ITGB6: variants seen among roughly 807,000 people sequenced by gnomAD.
ITGB6 encodes integrin subunit beta 6.
A neutral mutation model predicts 84.5 loss-of-function variants in ITGB6; 80 were observed. The observed-to-expected ratio is 0.95, with a 90% CI of 0.79 to 1.14. The LOEUF (loss-of-function observed/expected upper bound fraction) is 1.14, where lower values mean the gene tolerates loss of function less well. Among genes scored for constraint, ITGB6 ranks in the 50% most tolerant of loss-of-function variants. ITGB6 has a pLI of 0.00. For missense variants in ITGB6, 1,006 were observed against 968.0 expected (o/e 1.04, Z -0.52); for synonymous variants, 383 against 354.9 (o/e 1.08, Z -0.89).
intron 4 of ITGB6, among the ~76,000 whole-genome samples, chr2:160,194,279 A>T (rs903289999): frequency 1.3e-5 from 2 of 152,200 alleles, no homozygotes; most frequent in African/African-American, 4.8e-5. Context: ...CTTTATGGTT[A>T]AATTATTTTT....
chr2:160,178,120 C>T (rs1463620538), intron 4 of ITGB6, among the ~76,000 whole-genome samples: 1 of 152,188 alleles, frequency 6.6e-6, no homozygotes. Context: ...AGTGATGCAC[C>T]CACCTTGGCA....
chr2:160,129,392 CAAA>C (rs374921878), intron 10 of ITGB6, among the ~76,000 whole-genome samples: 2 of 126,772 alleles, frequency 1.6e-5, no homozygotes, highest in African/African-American at 6.0e-5. Context: ...TACTTTTCTT[CAAA>C]AAAAAAAAAA....
chr2:160,136,381 C>G (rs1474648942), intron 10 of ITGB6, among the ~76,000 whole-genome samples: 2 of 152,012 alleles, frequency 1.3e-5, no homozygotes, highest in Non-Finnish European at 2.9e-5. Flanking sequence ...GAATGGCGAT[C>G]ATTAAAAAGT....
intron 9 of ITGB6, 46 bp downstream of exon 9, chr2:160,138,019 A>T: frequency 6.4e-7 from 1 of 1,569,360 alleles, no homozygotes; most frequent in Non-Finnish European, 8.6e-7. Flanking sequence ...CTAATTTCTG[A>T]CCCATCCAGG....
chr2:160,157,188 C>T (rs1684655608), intron 7 of ITGB6, among the ~76,000 whole-genome samples: 1 of 152,164 alleles, frequency 6.6e-6, no homozygotes, highest in South Asian at 2.1e-4. Context: ...AAGGGTCTGT[C>T]CTACTCCAGT....
intron 7 of ITGB6, among the ~76,000 whole-genome samples, chr2:160,144,466 G>A (rs890513366): frequency 2.0e-5 from 3 of 152,132 alleles, no homozygotes; most frequent in East Asian, 1.9e-4. Context: ...GGTTAACAGC[G>A]AATACCTACA....
At chr2:160,165,442 A>T (rs1298312515) in intron 7 of ITGB6, among the ~76,000 whole-genome samples, 1 of 152,268 alleles carries the variant, frequency 6.6e-6, no homozygotes, top group East Asian at 1.9e-4. Context: ...ATTATAAAAC[A>T]AAACAATAAT....
Position 160,196,296 on chromosome 2 carries a change from G to A in ITGB6, c.266C>T (p.Pro89Leu). The A allele has an allele frequency of 6.2e-7, 1 of 1,613,954 alleles. No individual in the cohort carries two copies. The highest frequency in any genetic ancestry group is 8.5e-7 in the Non-Finnish European group (1 of 1,179,958). Residue 89 changes from proline (P) to leucine (L), a missense_variant, in exon 3 of 15, where the codon CCT becomes CTT. Coordinates refer to ENST00000283249, the MANE Select transcript of ITGB6 (RefSeq NM_000888.5). ...VSQVEILKNKPLSVGRQKNSS... is the reference protein window; with the variant it reads ...VSQVEILKNKLLSVGRQKNSS... ...ATTTTTCTGTCTGCCTACACTGAGA[G>A]GCTTATTTTTAAGTATTTCTACTTG...
chr2:160,154,181 G>C (rs536493073), intron 7 of ITGB6, among the ~76,000 whole-genome samples: 1 of 152,232 alleles, frequency 6.6e-6, no homozygotes, highest in African/African-American at 2.4e-5. Flanking sequence ...TTGGACCCAA[G>C]CCAAATGTCC....
At chr2:160,105,429 A>T (rs1200074201) in intron 14 of ITGB6, among the ~76,000 whole-genome samples, 1 of 152,208 alleles carries the variant, frequency 6.6e-6, no homozygotes, top group Non-Finnish European at 1.5e-5. Context: ...ATGCCTCTGT[A>T]TGAGAACATT....
chr2:160,162,407 A>G (rs1684854820), intron 7 of ITGB6, among the ~76,000 whole-genome samples: 1 of 152,120 alleles, frequency 6.6e-6, no homozygotes. Context: ...CATATTTTTA[A>G]TAGCACAAAA....
At chr2:160,144,640 A>G (rs2105828490) in intron 7 of ITGB6, among the ~76,000 whole-genome samples, 1 of 152,356 alleles carries the variant, frequency 6.6e-6, no homozygotes, top group East Asian at 1.9e-4. Flanking sequence ...CTATCCTTGA[A>G]AAACATCCTG....
chr2:160,152,807 G>C (rs901717576), intron 7 of ITGB6, among the ~76,000 whole-genome samples: 5 of 152,124 alleles, frequency 3.3e-5, no homozygotes, highest in African/African-American at 1.2e-4. Flanking sequence ...ACCATTAACA[G>C]ACAAACAGAG....
Position 160,117,259 on chromosome 2 carries a change from T to G in ITGB6, c.1982-5060A>C, listed in dbSNP as rs147154882. 8.6e-4 allele frequency among the ~76,000 whole-genome samples: 131 copies of G among 152,290 alleles called. 1 individual carries two copies. The East Asian group carries it at 0.022, about 25-fold the overall frequency. On this transcript the variant is annotated intron_variant, in intron 12 of 14. Transcript: ENST00000283249. ...CCTATTCCAAAAGTAACCACATAGTTGGAAGTAAAGCACTCCTCAGCAAAT... is the reference window on the plus strand; with the variant it reads ...CCTATTCCAAAAGTAACCACATAGTGGGAAGTAAAGCACTCCTCAGCAAAT...
intron 12 of ITGB6, among the ~76,000 whole-genome samples, chr2:160,121,777 G>A (rs201102379): frequency 5.9e-4 from 85 of 142,878 alleles, no homozygotes; most frequent in Non-Finnish European, 6.8e-4. Flanking sequence ...CAAAAAAAAA[G>A]AAAAAAAAAA....
At chr2:160,158,971 C>T (rs1363023364) in intron 7 of ITGB6, among the ~76,000 whole-genome samples, 3 of 151,996 alleles carry the variant, frequency 2.0e-5, no homozygotes, top group Admixed American at 1.3e-4. Flanking sequence ...TGGTGGTGTG[C>T]GCCTGTAGTC....
chr2:160,177,712 G>T (rs1054088582), intron 4 of ITGB6, among the ~76,000 whole-genome samples: 1 of 152,010 alleles, frequency 6.6e-6, no homozygotes, highest in African/African-American at 2.4e-5. Flanking sequence ...AATCTAAGAT[G>T]CATTTTTAAA....
intron 10 of ITGB6, among the ~76,000 whole-genome samples, chr2:160,128,995 TAGGGCAAGC>T (rs1430330723): frequency 6.6e-6 from 1 of 152,000 alleles, no homozygotes; most frequent in Non-Finnish European, 1.5e-5. Context: ...TCAGGTCATC[TAGGGCAAGC>T]AGGTAGAGTG....
rs1686346095 is a variant in ITGB6, at chr2:160,196,512, A to T, written c.142-92T>A. On this transcript the variant is annotated intron_variant, in intron 2 of 14. Coordinates refer to ENST00000283249, the MANE Select transcript of ITGB6 (RefSeq NM_000888.5). ...CAGCAATTGAAAGTTTTTCTGCACA[A>T]TTTGCTAGTTAAGCATCTTGCCATA... The T allele has an allele frequency of 2.8e-6, 3 of 1,068,222 alleles. No homozygotes were observed. In the South Asian group the frequency reaches 4.5e-5, roughly 16 times the overall value. The allele number at this position is 1,068,222 out of a possible 1,614,324, so 66.2% of individuals were successfully genotyped here. A position where few individuals can be genotyped will look rare whatever the true frequency, so the allele number is the denominator to read the frequency against.
Sources: gnomAD v4.1 joint callset for allele counts (sites outside exome capture counted in the v4.1 genomes callset) on GRCh38, gnomAD v4.1.1 for gene constraint, MANE v1.5 for transcripts, NCBI Gene and HGNC (gene_info 2026-07-23, HGNC 2026-07-21) for gene names.